The following BRD4 variants were observed in gnomAD, a reference collection of about 807,000 sequenced individuals.
BRD4 encodes bromodomain containing 4, also known as bromodomain-containing protein 4.
In BRD4, 16 loss-of-function variants were observed where a neutral mutation model predicts 142.1. The ratio of observed to expected loss-of-function variants is 0.11; its 90% confidence interval spans 0.08 to 0.17. The LOEUF (loss-of-function observed/expected upper bound fraction) is 0.17, where lower values mean the gene tolerates loss of function less well. Among genes scored for constraint, BRD4 ranks in the 10% least tolerant of loss-of-function variants. The pLI, the probability that BRD4 is intolerant of heterozygous loss-of-function variation, is 1.00. For synonymous variants in BRD4, 833 were observed against 707.5 expected, an observed-to-expected ratio of 1.18 and a Z score of -2.82; for missense variants, 1,424 against 1,810.9, an observed-to-expected ratio of 0.79 and a Z score of 3.88.
At chr19:15,268,808 A>G in intron 3 of BRD4, 97 bp downstream of exon 3, 3 of 1,415,344 alleles carry the variant, frequency 2.1e-6, no homozygotes. Flanking sequence ...GCCCAGCCAC[A>G]CCCAACACCC....
chr19:15,261,820 G>A (rs1311362238), intron 7 of BRD4, among the ~76,000 whole-genome samples: 1 of 152,124 alleles, frequency 6.6e-6, no homozygotes, highest in African/African-American at 2.4e-5. Flanking sequence ...CACGCTTGCT[G>A]TCCTACCTGA....
intron 1 of BRD4, among the ~76,000 whole-genome samples, chr19:15,319,276 G>A (rs939165339): frequency 2.0e-5 from 3 of 152,136 alleles, no homozygotes; most frequent in Non-Finnish European, 4.4e-5. Context: ...TGCAGCCTGG[G>A]AAACATGGTG....
intron 1 of BRD4, among the ~76,000 whole-genome samples, chr19:15,291,844 T>C (rs577366804): frequency 1.3e-5 from 2 of 152,360 alleles, no homozygotes; most frequent in South Asian, 4.1e-4. Context: ...GTGGTTTGCA[T>C]GCTGTACTAC....
At chr19:15,262,532 A>G (rs1022477042) in intron 7 of BRD4, among the ~76,000 whole-genome samples, 3 of 142,142 alleles carry the variant, frequency 2.1e-5, no homozygotes, top group Non-Finnish European at 4.5e-5. Flanking sequence ...TTTAAAAAAA[A>G]AAAAAAAAAA....
intron 11 of BRD4, among the ~76,000 whole-genome samples, chr19:15,246,005 G>A (rs527835970): frequency 6.6e-6 from 1 of 152,300 alleles, no homozygotes; most frequent in African/African-American, 2.4e-5. Context: ...AGGACCTTGT[G>A]CCCTGTAAGA....
chr19:15,326,153 TAAAAAAAAAA>T (rs755812111), intron 1 of BRD4, among the ~76,000 whole-genome samples: 4 of 100,956 alleles, frequency 4.0e-5, no homozygotes, highest in Non-Finnish European at 8.1e-5. Context: ...AATGTAGCAT[TAAAAAAAAAA>T]AAAAAAAAAA....
At position 15,267,402 on chromosome 19, in the gene BRD4, T is replaced by C. The variant is rs755476076; in HGVS notation, c.559+14A>G. 2 of 1,612,484 alleles carry C rather than the reference T, an allele frequency of 1.2e-6. No homozygotes were observed. Among genetic ancestry groups the C allele is most frequent in the South Asian group, 1.1e-5 (1 of 90,694 alleles). On this transcript the variant is annotated intron_variant, in intron 4 of 19. Coordinates refer to ENST00000679869, the MANE Select transcript of BRD4 (RefSeq NM_001379291.1). The stretch of plus-strand genomic sequence containing the variant: ...GGGGAGAAAGCCAATTTACTTGCTA[T>C]TTCAGTACTCTACCTGTTTCTTTCC...
chr19:15,252,574 G>A (rs764099988), intron 11 of BRD4, among the ~76,000 whole-genome samples: 14 of 152,230 alleles, frequency 9.2e-5, no homozygotes, highest in Non-Finnish European at 1.5e-4. Flanking sequence ...CTAGCTTCGG[G>A]TGGCAAAGCC....
intron 14 of BRD4, among the ~76,000 whole-genome samples, 168 bp downstream of exon 14, chr19:15,242,730 AAC>A (rs1491588198): frequency 6.6e-6 from 1 of 152,046 alleles, no homozygotes; most frequent in Non-Finnish European, 1.5e-5. Flanking sequence ...ACACCTGATA[AAC>A]ACACACTGTA....
chr19:15,268,699 A>G (rs2047557914), intron 3 of BRD4, among the ~76,000 whole-genome samples: 1 of 152,104 alleles, frequency 6.6e-6, no homozygotes, highest in South Asian at 2.1e-4. Flanking sequence ...CAACATGGCC[A>G]GCACCCTCCT....
chr19:15,286,441 TGA>T (rs1273291468), intron 1 of BRD4, among the ~76,000 whole-genome samples: 1 of 152,170 alleles, frequency 6.6e-6, no homozygotes, highest in Non-Finnish European at 1.5e-5. Flanking sequence ...ACGGAGGAAG[TGA>T]AACTCCATAC....
In BRD4 at chr19:15,269,157, C is replaced by T. The variant is rs984415680; in HGVS notation, c.286-115G>A. 37 of 1,179,206 alleles carry T rather than the reference C, an allele frequency of 3.1e-5. 1 individual carries two copies. Among genetic ancestry groups the T allele is most frequent in the Middle Eastern group, 2.0e-4 (1 of 4,980 alleles). The allele number at this position is 1,179,206 out of a possible 1,614,324, so 73.0% of individuals were successfully genotyped here. A position where few individuals can be genotyped will look rare whatever the true frequency, so the allele number is the denominator to read the frequency against. On this transcript the variant is annotated intron_variant, in intron 2 of 19. Coordinates refer to ENST00000679869, the MANE Select transcript of BRD4 (RefSeq NM_001379291.1). The stretch of plus-strand genomic sequence containing the variant: ...CCTGGCTGCTCCACAGGTAAATCCA[C>T]GGGAGCCACAGCTCCTACTGGCATC...
chr19:15,260,915 AG>A (rs1489592298), intron 7 of BRD4, among the ~76,000 whole-genome samples: 2 of 152,092 alleles, frequency 1.3e-5, no homozygotes, highest in South Asian at 2.1e-4. Flanking sequence ...AAAATGAGGA[AG>A]GAAGGGCTAG....
intron 7 of BRD4, among the ~76,000 whole-genome samples, chr19:15,257,659 G>A (rs1253596008): frequency 6.6e-6 from 1 of 152,166 alleles, no homozygotes; most frequent in Non-Finnish European, 1.5e-5. Context: ...TGCCACAAGC[G>A]CACCTCCTCT....
chr19:15,277,847 C>CA lies in BRD4; in HGVS notation c.-34-4715_-34-4714insT, dbSNP rs1322861357. ...GTCATATAAAAATCAACATGAACAC[C>CA]TGTAATCCCAGCACTTTGGGAGGCC... On this transcript the variant is annotated intron_variant, in intron 1 of 19. Coordinates refer to ENST00000679869, the MANE Select transcript of BRD4 (RefSeq NM_001379291.1). 2.0e-5 allele frequency among the ~76,000 whole-genome samples: 3 copies of CA among 151,766 alleles called. No homozygotes were observed. The East Asian group carries it at 5.8e-4, about 29-fold the overall frequency.
rs748300253 is a variant in BRD4, at chr19:15,255,313, C to T, written c.2031G>A (p.Lys677=). The change falls in exon 10 of 20, where the codon AAG becomes AAA. Residue 677 remains lysine (K), a synonymous_variant. Coordinates refer to ENST00000679869, the MANE Select transcript of BRD4 (RefSeq NM_001379291.1). The stretch of plus-strand genomic sequence containing the variant: ...CAAGCACACCTTGAGGTTTCCTTTT[C>T]TTCCGCAAACAGGAGGTGACATAGC... The part of the protein sequence containing the change: ...LERYVTSCLR[K]KRKPQAEKVD... 24 of 1,612,628 alleles carry T rather than the reference C, an allele frequency of 1.5e-5. No homozygotes were observed. Among genetic ancestry groups the T allele is most frequent in the Non-Finnish European group, 2.0e-5 (23 of 1,178,928 alleles).
intron 1 of BRD4, among the ~76,000 whole-genome samples, chr19:15,309,459 A>G (rs947400015): frequency 5.3e-5 from 8 of 152,214 alleles, no homozygotes; most frequent in Non-Finnish European, 7.3e-5. Context: ...TGGAACCCTC[A>G]TATGTCCAGC....
At chr19:15,270,369 T>G (rs2047574135) in intron 2 of BRD4, among the ~76,000 whole-genome samples, 1 of 151,962 alleles carries the variant, frequency 6.6e-6, no homozygotes, top group African/African-American at 2.4e-5. Context: ...GCCCTGGGGG[T>G]GAGGGCTACA....
At chr19:15,296,214 A>G (rs1433676661) in intron 1 of BRD4, among the ~76,000 whole-genome samples, 1 of 152,228 alleles carries the variant, frequency 6.6e-6, no homozygotes, top group Non-Finnish European at 1.5e-5. Flanking sequence ...AGATCGTGCC[A>G]CTGCACTCCA....
Sources: allele counts gnomAD v4.1 joint callset (sites outside exome capture counted in the v4.1 genomes callset), GRCh38; gene constraint gnomAD v4.1.1; transcripts MANE v1.5; gene names NCBI Gene and HGNC (gene_info 2026-07-23, HGNC 2026-07-21).